PDE9A: variants seen among roughly 807,000 people sequenced by gnomAD.
The protein encoded by PDE9A is high affinity cGMP-specific 3',5'-cyclic phosphodiesterase 9A.
A neutral mutation model predicts 87.4 loss-of-function variants in PDE9A; 60 were observed. The ratio of observed to expected loss-of-function variants is 0.69; its 90% CI spans 0.56 to 0.85. The LOEUF is 0.85. Among genes scored for constraint, PDE9A ranks in the 40% least tolerant of loss-of-function variants. PDE9A has a pLI of 0.00. For synonymous variants in PDE9A, 272 were observed against 279.4 expected (o/e 0.97, Z 0.27); for missense variants, 665 against 779.0 (o/e 0.85, Z 1.74).
rs569334005 is a variant in PDE9A, at chr21:42,772,188, C to T, written c.1687-251C>T. On this transcript the variant is annotated intron_variant, in intron 18 of 19. Coordinates refer to ENST00000291539, the MANE Select transcript of PDE9A (RefSeq NM_002606.3). ...AGGCTCTGCACACACCACCAGTCCCCGCGGCTGTGGTGGCTGCAGCTGGGT... is the reference window on the plus strand; with the variant it reads ...AGGCTCTGCACACACCACCAGTCCCTGCGGCTGTGGTGGCTGCAGCTGGGT... Among the ~76,000 whole-genome samples the T allele has an allele frequency of 1.2e-4, 19 of 152,326 alleles. No individual in the cohort carries two copies. In the South Asian group the frequency reaches 2.9e-3, roughly 23 times the overall value.
rs544270166 is a variant in PDE9A at position 42,755,996 on chromosome 21, G to C, written c.810+1932G>C. Among the ~76,000 whole-genome samples the C allele has an allele frequency of 5.9e-5, 9 of 152,368 alleles. No homozygotes were observed. In the South Asian group the frequency reaches 1.7e-3, roughly 28 times the overall value. ...CTTGCCCCACGAAGCTGGGGGATCT[G>C]TGTCTCCATAATAGAAAGGCCACCT... is the stretch of plus-strand genomic sequence containing the variant. On this transcript the variant is annotated intron_variant, in intron 10 of 19. Transcript: ENST00000291539.
intron 8 of PDE9A, among the ~76,000 whole-genome samples, chr21:42,747,912 T>C (rs2054035436): frequency 6.6e-6 from 1 of 152,094 alleles, no homozygotes; most frequent in Non-Finnish European, 1.5e-5. Context: ...CCAAATAGGA[T>C]GAAAAGAAAG....
chr21:42,670,339 CAT>C (rs1162103553), intron 1 of PDE9A, among the ~76,000 whole-genome samples: 11 of 95,086 alleles, frequency 1.2e-4, no homozygotes, highest in East Asian at 8.6e-4. Flanking sequence ...CACACATTCA[CAT>C]ACATTTACAC....
chr21:42,770,570 C>T (rs2269172), intron 17 of PDE9A, 133 bp from the exon 18 acceptor site: 122,587 of 651,124 alleles, frequency 0.19, 13,226 homozygotes, highest in East Asian at 0.31. Context: ...GCAGCAGAGC[C>T]GGCACGAGGG....
At chr21:42,765,607 C>T (rs749337055) in intron 15 of PDE9A, 113 bp downstream of exon 15, 1 of 720,500 alleles carries the variant, frequency 1.4e-6, no homozygotes, top group Admixed American at 2.0e-5. Context: ...CTTCTTGGAA[C>T]AAGGTGTCTA....
At chr21:42,742,509 A>G (rs536974977) in intron 7 of PDE9A, among the ~76,000 whole-genome samples, 3 of 113,690 alleles carry the variant, frequency 2.6e-5, no homozygotes, top group African/African-American at 1.1e-4. Context: ...TCTGTCCCCC[A>G]GGCCAGAGTA....
rs2052029892 is a variant in PDE9A at position 42,733,288 on chromosome 21, C to T, written c.498-68C>T. ...ACAGCAGGGACTCAGTAGGTGTTTG[C>T]TTAACCGGTTTTGGCTCTGAGAATT... is the stretch of plus-strand genomic sequence containing the variant. On this transcript the variant is annotated intron_variant, in intron 6 of 19. Coordinates refer to ENST00000291539, the MANE Select transcript of PDE9A (RefSeq NM_002606.3). 8 of 923,336 alleles carry T rather than the reference C, an allele frequency of 8.7e-6. No homozygotes were observed. The South Asian group carries it at 1.1e-4, about 12-fold the overall frequency. 57.2% of individuals were successfully genotyped at this position (923,336 alleles called of 1,614,324 possible). A position where few individuals can be genotyped will look rare whatever the true frequency, so the allele number is the denominator to read the frequency against.
At chr21:42,680,532 G>A (rs2059113523) in intron 1 of PDE9A, among the ~76,000 whole-genome samples, 1 of 152,230 alleles carries the variant, frequency 6.6e-6, no homozygotes, top group Non-Finnish European at 1.5e-5. Flanking sequence ...TTGACAACAG[G>A]CTTGGTGGCA....
chr21:42,757,743 T>C (rs1569257328), intron 10 of PDE9A: 1 of 152,220 alleles, frequency 6.6e-6, no homozygotes, highest in Non-Finnish European at 1.5e-5. Flanking sequence ...GCCTTCTTGC[T>C]GGGTCCTCAT....
chr21:42,683,621 GC>G (rs1446424520), intron 1 of PDE9A, among the ~76,000 whole-genome samples: 1 of 152,212 alleles, frequency 6.6e-6, no homozygotes, highest in Non-Finnish European at 1.5e-5. Flanking sequence ...GAAGCCCCAG[GC>G]CCATGAGCCT....
chr21:42,681,268 G>T lies in PDE9A; in HGVS notation c.70-4924G>T, dbSNP rs145584309. On this transcript the variant is annotated intron_variant, in intron 1 of 19. Coordinates refer to ENST00000291539, the MANE Select transcript of PDE9A (RefSeq NM_002606.3). ...TCACTGGTTACCCAAAGGGCTTCCT[G>T]TTCTCAAATCCACTGCTCCTTCCAT... 2.6e-3 allele frequency among the ~76,000 whole-genome samples: 390 copies of T among 152,358 alleles called. 2 individuals are homozygous for T. Among genetic ancestry groups the T allele is most frequent in the African/African-American group, 8.1e-3 (337 of 41,572 alleles).
rs1021601529 is a variant in PDE9A, at chr21:42,672,834, G to A, written c.70-13358G>A. Among the ~76,000 whole-genome samples, 9 of 152,236 alleles carry A rather than the reference G, an allele frequency of 5.9e-5. 1 individual carries two copies. Among genetic ancestry groups the A allele is most frequent in the Admixed American group, 1.3e-4 (2 of 15,288 alleles). On this transcript the variant is annotated intron_variant, in intron 1 of 19. Transcript: ENST00000291539. ...TGGCTGCTAATCAATGCGGGGCTCC[G>A]TAGGTCAGTGAGAGCAATCAGAGCC...
chr21:42,656,699 C>T (rs141476327), intron 1 of PDE9A, among the ~76,000 whole-genome samples: 3 of 152,320 alleles, frequency 2.0e-5, no homozygotes, highest in African/African-American at 7.2e-5. Flanking sequence ...GATTGTCTTC[C>T]CTCCTCAGGA....
At chr21:42,732,045 T>C (rs761932537) in intron 5 of PDE9A, 25 bp from the exon 6 acceptor site, 2 of 1,613,892 alleles carry the variant, frequency 1.2e-6, no homozygotes, top group East Asian at 2.2e-5. Context: ...CCGTGTTCCA[T>C]CTGTCTTTCT....
rs970840228 is a variant in PDE9A at position 42,739,190 on chromosome 21, G to A, written c.569-4586G>A. 6.6e-6 allele frequency among the ~76,000 whole-genome samples: 1 copy of A among 152,186 alleles called. No individual in the cohort carries two copies. The highest frequency in any genetic ancestry group is 6.5e-5 in the Admixed American group (1 of 15,284). ...TGGTCTGTGCCCGCCTGTGTTCAGC[G>A]TTTGAAGGCAGAGGAGCGGGCCATG... On this transcript the variant is annotated intron_variant, in intron 7 of 19. Transcript: ENST00000291539. The surrounding 1 kb of genome is among the most constrained non-coding windows in gnomAD (Gnocchi z 4.1).
chr21:42,712,608 C>T (rs1374708273), intron 4 of PDE9A, among the ~76,000 whole-genome samples: 1 of 152,198 alleles, frequency 6.6e-6, no homozygotes, highest in Non-Finnish European at 1.5e-5. Flanking sequence ...AGAGGAGATG[C>T]CTTCGGTCTC....
At chr21:42,751,463 C>G (rs529719496) in intron 9 of PDE9A, among the ~76,000 whole-genome samples, 4 of 152,148 alleles carry the variant, frequency 2.6e-5, no homozygotes, top group Admixed American at 2.6e-4. Context: ...GGGAGCTGAC[C>G]TGGGTAGACA....
rs2048768421 is a variant in PDE9A at position 42,705,661 on chromosome 21, C to A, written c.262+6650C>A. 6.6e-6 allele frequency among the ~76,000 whole-genome samples: 1 copy of A among 152,142 alleles called. No individual in the cohort carries two copies. Among genetic ancestry groups the A allele is most frequent in the Non-Finnish European group, 1.5e-5 (1 of 68,010 alleles). ...CAGGACGGCCCCCCACGGCCCAAGT[C>A]CTATAGGAGAGCCAGGGGCCATCAC... On this transcript the variant is annotated intron_variant, in intron 4 of 19. Transcript: ENST00000291539. The surrounding 1 kb of genome is among the most constrained non-coding windows in gnomAD (Gnocchi z 4.3).
At chr21:42,729,941 T>C (rs2051546321) in intron 4 of PDE9A, among the ~76,000 whole-genome samples, 1 of 152,234 alleles carries the variant, frequency 6.6e-6, no homozygotes, top group South Asian at 2.1e-4. Context: ...TCTTGGTACA[T>C]GCTCTGTAGG....
Sources: allele counts gnomAD v4.1 joint callset (sites outside exome capture counted in the v4.1 genomes callset), GRCh38; gene constraint gnomAD v4.1.1; non-coding constraint Gnocchi (gnomAD v3.1); transcripts MANE v1.5; gene names NCBI Gene and HGNC (gene_info 2026-07-23, HGNC 2026-07-21).